The following PNLIPRP1 variants were observed in gnomAD, a reference collection of about 807,000 sequenced individuals.
PNLIPRP1 encodes the protein pancreatic lipase related protein 1, also known as inactive pancreatic lipase-related protein 1.
Under a neutral mutation model 54.6 loss-of-function variants are expected in PNLIPRP1, and 57 were observed. That is an observed-to-expected ratio of 1.04 (90% confidence interval 0.84 to 1.30). The LOEUF (loss-of-function observed/expected upper bound fraction) is 1.30, where lower values mean the gene tolerates loss of function less well. Ranked by LOEUF, PNLIPRP1 falls within the 50% of genes most tolerant of loss-of-function variation. The probability of loss-of-function intolerance (pLI) is 0.00; values close to 1 mark genes in which losing one functional copy is unlikely to be tolerated. For synonymous variants in PNLIPRP1, 232 were observed against 208.8 expected (o/e 1.11, Z -0.96); for missense variants, 567 against 568.5 (o/e 1.00, Z 0.03).
In PNLIPRP1 at chr10:116,600,025, G is replaced by T. The variant is rs782775789; in HGVS notation, c.815-22G>T. On this transcript the variant is annotated intron_variant, in intron 8 of 12. Transcript: ENST00000358834. ...TACAGGCCCCCAACCACCTGTTCAG[G>T]TCTCCTTATTTGTTTTCCCAGGAAC... is the stretch of plus-strand genomic sequence containing the variant. The T allele has an allele frequency of 1.2e-5, 18 of 1,525,994 alleles. No homozygotes were observed. The South Asian group carries it at 1.9e-4, about 16-fold the overall frequency. The allele number at this position is 1,525,994 out of a possible 1,614,324, so 94.5% of individuals were successfully genotyped here.
chr10:116,609,059 C>T lies in PNLIPRP1; in HGVS notation c.1347C>T (p.Asn449=). 6.2e-7 allele frequency: 1 copy of T among 1,612,328 alleles called. No individual in the cohort carries two copies. Among genetic ancestry groups the T allele is most frequent in the Non-Finnish European group, 8.5e-7 (1 of 1,178,320 alleles). ...AGCTTCCTTTTCTCCCCAGGTACAA[C>T]TTCTGTAGCGAAGACACAGTGCGGG... ...VQKGEEKTVY[N]FCSEDTVRED... is the part of the protein sequence containing the mutation. The change falls in exon 13 of 13, where the codon AAC becomes AAT. Residue 449 remains asparagine, a synonymous_variant. Coordinates refer to ENST00000358834, the MANE Select transcript of PNLIPRP1 (RefSeq NM_006229.4).
intron 2 of PNLIPRP1, among the ~76,000 whole-genome samples, chr10:116,591,432 G>T (rs527241706): frequency 9.9e-5 from 15 of 152,200 alleles, no homozygotes; most frequent in Non-Finnish European, 1.8e-4. Context: ...TGAAACATCT[G>T]CCTGAGTTAA....
At chr10:116,604,418 T>C (rs1430663600) in intron 11 of PNLIPRP1, among the ~76,000 whole-genome samples, 1 of 152,196 alleles carries the variant, frequency 6.6e-6, no homozygotes, top group Non-Finnish European at 1.5e-5. Flanking sequence ...TACAGTAACA[T>C]GTAGTACAGG....
At chr10:116,598,242 T>G in intron 8 of PNLIPRP1, 76 bp downstream of exon 8, 1 of 1,340,076 alleles carries the variant, frequency 7.5e-7, no homozygotes, top group South Asian at 1.5e-5. Context: ...CAGCAAATCT[T>G]AAGAATAAAA....
intron 12 of PNLIPRP1, among the ~76,000 whole-genome samples, chr10:116,605,934 C>T (rs535914628): frequency 9.2e-5 from 14 of 152,264 alleles, no homozygotes; most frequent in East Asian, 3.9e-4. Flanking sequence ...GAAAATAAAT[C>T]GGTTTTAGGA....
Position 116,591,198 on chromosome 10 carries a change from C to A in PNLIPRP1, c.49+20C>A. The A allele has an allele frequency of 1.2e-6, 2 of 1,605,254 alleles. No homozygotes were observed. Among genetic ancestry groups the A allele is most frequent in the Non-Finnish European group, 1.7e-6 (2 of 1,172,850 alleles). On this transcript the variant is annotated intron_variant, in intron 2 of 12. Transcript: ENST00000358834. Reference sequence around the variant, plus strand: ...CCAAAGGTAAGAAACACCACTCCTGCCCCGTAGGAAGGGCTTAAACTTAAG... The same window carrying A: ...CCAAAGGTAAGAAACACCACTCCTGACCCGTAGGAAGGGCTTAAACTTAAG...
intron 9 of PNLIPRP1, 44 bp from the exon 10 acceptor site, chr10:116,601,027 CA>C: frequency 6.4e-7 from 1 of 1,569,524 alleles, no homozygotes; most frequent in Non-Finnish European, 8.6e-7. Flanking sequence ...ATCGATCATA[CA>C]AACACAAATT....
At chr10:116,600,377 A>G (rs1168818763) in intron 9 of PNLIPRP1, 3 of 456,454 alleles carry the variant, frequency 6.6e-6, no homozygotes, top group Non-Finnish European at 7.8e-6. Context: ...GGCAGAGGAA[A>G]ACTGGGAAAT....
Position 116,601,173 on chromosome 10 carries a change from G to C in PNLIPRP1, c.1035G>C (p.Leu345Phe). 1 of 1,614,032 alleles carries C rather than the reference G, an allele frequency of 6.2e-7. No individual in the cohort carries two copies. Among genetic ancestry groups the C allele is most frequent in the Non-Finnish European group, 8.5e-7 (1 of 1,180,000 alleles). ...RTSEEQQKFF[L>F]NTGEASNFAR... ...GTGAAGAGCAGCAGAAATTCTTCTT[G>C]AACACAGGAGAGGCTAGCAATTTCG... is the stretch of plus-strand genomic sequence containing the variant. Residue 345 changes from leucine (L) to phenylalanine (F), a missense_variant, in exon 10 of 13, where the codon TTG (leucine) becomes TTC (phenylalanine). Coordinates refer to ENST00000358834, the MANE Select transcript of PNLIPRP1 (RefSeq NM_006229.4).
chr10:116,606,348 T>C (rs2133243419), intron 12 of PNLIPRP1, among the ~76,000 whole-genome samples: 1 of 152,174 alleles, frequency 6.6e-6, no homozygotes, highest in Non-Finnish European at 1.5e-5. Context: ...AGGTTCTCCT[T>C]ATCCCCACGA....
rs1408387213 is a variant in PNLIPRP1 at position 116,592,444 on chromosome 10, T to C, written c.233T>C (p.Ile78Thr). The change falls in exon 4 of 13, where the codon ATT (isoleucine) becomes ACT (threonine). Residue 78 changes from isoleucine (I) to threonine (T), a missense_variant. By Grantham distance (89) the Ile-to-Thr change is moderately conservative. Coordinates refer to ENST00000358834, the MANE Select transcript of PNLIPRP1 (RefSeq NM_006229.4). Reference protein sequence around the residue: ...QILLLSDPSTIEASNFQMDRK... With the variant: ...QILLLSDPSTTEASNFQMDRK... ...CTCCTCCTCTCTGATCCATCAACAA[T>C]TGAGGCATCAAATTTTCAAATGGAC... The C allele has an allele frequency of 4.3e-6, 7 of 1,612,730 alleles. No homozygotes were observed. Among genetic ancestry groups the C allele is most frequent in the South Asian group, 1.1e-5 (1 of 90,956 alleles).
At chr10:116,607,520 G>C (rs1198573820) in intron 12 of PNLIPRP1, among the ~76,000 whole-genome samples, 4 of 152,188 alleles carry the variant, frequency 2.6e-5, no homozygotes, top group African/African-American at 9.6e-5. Context: ...GGAGTAGGAG[G>C]GAGGAAGGGC....
At chr10:116,592,600 T>C in intron 4 of PNLIPRP1, 59 bp downstream of exon 4, 1 of 1,599,662 alleles carries the variant, frequency 6.3e-7, no homozygotes, top group East Asian at 2.2e-5. Flanking sequence ...CTAACATCTC[T>C]GCATCACTTT....
chr10:116,593,970 A>AAG (rs1554863594), intron 4 of PNLIPRP1: 31 of 166,296 alleles, frequency 1.9e-4, no homozygotes, highest in African/African-American at 4.8e-4. Context: ...AAAAAAAAAA[A>AAG]AAAGAAAGAA....
intron 10 of PNLIPRP1, among the ~76,000 whole-genome samples, chr10:116,602,798 C>T (rs1014473666): frequency 2.0e-5 from 3 of 152,080 alleles, no homozygotes; most frequent in African/African-American, 4.8e-5. Context: ...TGTTTATATA[C>T]GTATGTATAT....
chr10:116,605,565 T>C lies in PNLIPRP1; in HGVS notation c.1340+12T>C, dbSNP rs1404766014. Reference sequence around the variant, plus strand: ...GAAGAGAAGACAGTGTATGTATCTTTGCTGGCTGGTGCCTAAAAATGTTTG... The same window carrying C: ...GAAGAGAAGACAGTGTATGTATCTTCGCTGGCTGGTGCCTAAAAATGTTTG... On this transcript the variant is annotated intron_variant, in intron 12 of 12. Coordinates refer to ENST00000358834, the MANE Select transcript of PNLIPRP1 (RefSeq NM_006229.4). 2.0e-6 allele frequency: 3 copies of C among 1,481,164 alleles called. No homozygotes were observed. Among genetic ancestry groups the C allele is most frequent in the African/African-American group, 2.8e-5 (2 of 72,154 alleles). The allele number at this position is 1,481,164 out of a possible 1,614,324, so 91.8% of individuals were successfully genotyped here.
In PNLIPRP1 at chr10:116,591,879, G is replaced by A; in HGVS notation, c.158G>A (p.Gly53Asp). Reference sequence around the variant, plus strand: ...CTCCCCTGGAGCCCTGAGAAGATCGGCACCCGCTTCCTGCTGTACACCAAT... The same window carrying A: ...CTCCCCTGGAGCCCTGAGAAGATCGACACCCGCTTCCTGCTGTACACCAAT... Reference protein sequence around the residue: ...KILPWSPEKIGTRFLLYTNEN... With the variant: ...KILPWSPEKIDTRFLLYTNEN... Residue 53 changes from glycine to aspartate, a missense_variant, in exon 3 of 13, where the codon GGC becomes GAC. Coordinates refer to ENST00000358834, the MANE Select transcript of PNLIPRP1 (RefSeq NM_006229.4). 1.9e-6 allele frequency: 3 copies of A among 1,614,168 alleles called. No individual in the cohort carries two copies. Among genetic ancestry groups the A allele is most frequent in the Non-Finnish European group, 2.5e-6 (3 of 1,180,026 alleles).
At chr10:116,606,234 C>T (rs1229669756) in intron 12 of PNLIPRP1, among the ~76,000 whole-genome samples, 2 of 152,170 alleles carry the variant, frequency 1.3e-5, no homozygotes, top group Non-Finnish European at 2.9e-5. Flanking sequence ...TCACCGAGTT[C>T]AGGTCCCAGA....
chr10:116,599,438 A>C (rs937736079), intron 8 of PNLIPRP1, among the ~76,000 whole-genome samples: 1 of 152,180 alleles, frequency 6.6e-6, no homozygotes, highest in African/African-American at 2.4e-5. Flanking sequence ...AACATTTGTC[A>C]CTTGGCAGGA....
Sources: allele counts gnomAD v4.1 joint callset (sites outside exome capture counted in the v4.1 genomes callset), GRCh38; gene constraint gnomAD v4.1.1; transcripts MANE v1.5; gene names NCBI Gene and HGNC (gene_info 2026-07-23, HGNC 2026-07-21).